The following TRPC6 variants were observed in gnomAD, a reference collection of about 807,000 sequenced individuals.
The protein encoded by TRPC6 is short transient receptor potential channel 6.
TRPC6 carries 55 observed loss-of-function variants against 90.7 expected under a neutral mutation model. The ratio of observed to expected loss-of-function variants is 0.61; its 90% CI spans 0.49 to 0.76. The LOEUF (loss-of-function observed/expected upper bound fraction) is 0.76. TRPC6 is among the 30% of genes least tolerant of loss of function. The pLI is 0.00. For synonymous variants in TRPC6, 393 were observed against 393.0 expected (o/e 1.00, Z 0.00); for missense variants, 989 against 1,122.7 (o/e 0.88, Z 1.70).
At chr11:101,561,632 C>G (rs537803136) in intron 1 of TRPC6, among the ~76,000 whole-genome samples, 7 of 151,970 alleles carry the variant, frequency 4.6e-5, no homozygotes, top group Non-Finnish European at 1.0e-4. Context: ...CTGGGACTTT[C>G]AAAAGCCTTA....
At chr11:101,524,812 A>G (rs1162972450) in intron 1 of TRPC6, among the ~76,000 whole-genome samples, 1 of 152,228 alleles carries the variant, frequency 6.6e-6, no homozygotes, top group East Asian at 1.9e-4. Context: ...AGGTGATTTT[A>G]TCTTTCACTT....
intron 10 of TRPC6, among the ~76,000 whole-genome samples, chr11:101,460,602 A>C (rs1324936195): frequency 6.6e-6 from 1 of 152,142 alleles, no homozygotes; most frequent in Non-Finnish European, 1.5e-5. Flanking sequence ...CTGTAAAACA[A>C]TTTTGTCATA....
chr11:101,497,988 G>A (rs189726583), intron 2 of TRPC6, among the ~76,000 whole-genome samples: 4 of 152,294 alleles, frequency 2.6e-5, no homozygotes, highest in African/African-American at 9.6e-5. Flanking sequence ...GAGGGAATTA[G>A]AGACATAAGT....
chr11:101,536,367 A>G (rs979547665), intron 1 of TRPC6, among the ~76,000 whole-genome samples: 1 of 152,012 alleles, frequency 6.6e-6, no homozygotes, highest in African/African-American at 2.4e-5. Context: ...AGCCTGGGCA[A>G]CAGAGCAAGA....
intron 10 of TRPC6, among the ~76,000 whole-genome samples, chr11:101,466,267 G>T (rs923023404): frequency 6.6e-6 from 1 of 152,212 alleles, no homozygotes; most frequent in Non-Finnish European, 1.5e-5. Context: ...TTTCAGAGCC[G>T]CCAGGCAGGG....
Position 101,453,637 on chromosome 11 carries a change from G to C in TRPC6, c.2644+13C>G, listed in dbSNP as rs770029645. On this transcript the variant is annotated intron_variant, in intron 12 of 12. Coordinates refer to ENST00000344327, the MANE Select transcript of TRPC6 (RefSeq NM_004621.6). ...CACATTCAGGGGCTGATTTGCTTCTGCGTTCAACTCACCTTCGTTCACTTC... is the reference window on the plus strand; with the variant it reads ...CACATTCAGGGGCTGATTTGCTTCTCCGTTCAACTCACCTTCGTTCACTTC... The C allele has an allele frequency of 3.7e-6, 6 of 1,613,592 alleles. No homozygotes were observed. Among genetic ancestry groups the C allele is most frequent in the Middle Eastern group, 1.7e-4 (1 of 6,058 alleles).
chr11:101,539,411 C>T (rs1460146869), intron 1 of TRPC6, among the ~76,000 whole-genome samples: 1 of 152,202 alleles, frequency 6.6e-6, no homozygotes, highest in East Asian at 1.9e-4. Flanking sequence ...GCGGAGCTAA[C>T]CTGTTCTCAG....
chr11:101,558,460 TACACACACACACACACAC>T lies in TRPC6; in HGVS notation c.170+24856_170+24873del, dbSNP rs71056630. Among the ~76,000 whole-genome samples the T allele has an allele frequency of 7.9e-5, 4 of 50,446 alleles. 1 individual carries two copies. In the South Asian group the frequency reaches 2.8e-3, roughly 35 times the overall value. 33.1% of individuals were successfully genotyped at this position (50,446 alleles called of 152,430 possible). ...ATACATATATATACACACGCACACA[TACACACACACACACACAC>T]ACACACACACACACACACATATACT... On this transcript the variant is annotated intron_variant, in intron 1 of 12. Transcript: ENST00000344327.
chr11:101,488,390 A>G (rs1446007173), intron 4 of TRPC6, among the ~76,000 whole-genome samples: 1 of 152,224 alleles, frequency 6.6e-6, no homozygotes, highest in African/African-American at 2.4e-5. Flanking sequence ...TTAGTCCCTA[A>G]AAAATGTATA....
At chr11:101,576,315 CTTACA>C (rs1228974310) in intron 1 of TRPC6, among the ~76,000 whole-genome samples, 8 of 152,174 alleles carry the variant, frequency 5.3e-5, no homozygotes, top group Non-Finnish European at 7.4e-5. Flanking sequence ...GAAACAGCAA[CTTACA>C]TTAAACTGTA....
intron 1 of TRPC6, among the ~76,000 whole-genome samples, chr11:101,535,387 CTTA>C (rs777257862): frequency 6.9e-4 from 66 of 95,650 alleles, no homozygotes; most frequent in Non-Finnish European, 8.3e-4. Flanking sequence ...ATTCCCTAAT[CTTA>C]TTATTATTTT....
At chr11:101,548,820 A>C (rs1267396092) in intron 1 of TRPC6, among the ~76,000 whole-genome samples, 1 of 152,012 alleles carries the variant, frequency 6.6e-6, no homozygotes, top group Non-Finnish European at 1.5e-5. Flanking sequence ...TACATATACT[A>C]TTGAGTGAAA....
At chr11:101,519,285 C>T (rs548121464) in intron 1 of TRPC6, among the ~76,000 whole-genome samples, 44 of 151,302 alleles carry the variant, frequency 2.9e-4, no homozygotes, top group Non-Finnish European at 1.9e-4. Context: ...ATGTCTGTAT[C>T]AAAACATCTC....
intron 1 of TRPC6, among the ~76,000 whole-genome samples, chr11:101,582,538 A>C (rs1591155768): frequency 6.9e-6 from 1 of 144,932 alleles, no homozygotes. Flanking sequence ...CTTACTCCCT[A>C]CCTCCCCTCC....
At chr11:101,453,184 A>T in intron 12 of TRPC6, 78 bp from the exon 13 acceptor site, 1 of 1,339,638 alleles carries the variant, frequency 7.5e-7, no homozygotes, top group Non-Finnish European at 1.1e-6. Context: ...ACAGGAGGAA[A>T]TCAGCTCTAA....
intron 2 of TRPC6, among the ~76,000 whole-genome samples, chr11:101,499,210 T>G (rs940731534): frequency 6.6e-6 from 1 of 152,126 alleles, no homozygotes; most frequent in Non-Finnish European, 1.5e-5. Flanking sequence ...CTTATATTAT[T>G]CTTAATATCT....
At chr11:101,470,023 C>T (rs1280266394) in intron 9 of TRPC6, among the ~76,000 whole-genome samples, 1 of 152,140 alleles carries the variant, frequency 6.6e-6, no homozygotes, top group Non-Finnish European at 1.5e-5. Flanking sequence ...GGAATTACAA[C>T]ATTTTCCTTT....
At chr11:101,491,449 G>C (rs1565214947) in intron 3 of TRPC6, 107 bp downstream of exon 3, 4 of 1,393,256 alleles carry the variant, frequency 2.9e-6, no homozygotes, top group East Asian at 4.8e-5. Flanking sequence ...AAAAAAAAGA[G>C]AAAAGAAAAG....
chr11:101,469,387 G>T, intron 10 of TRPC6, 40 bp downstream of exon 10: 3 of 744,148 alleles, frequency 4.0e-6, no homozygotes, highest in South Asian at 1.4e-5. Context: ...AGATAAGCCC[G>T]ATCATGTGCA....
Sources: allele counts gnomAD v4.1 joint callset (sites outside exome capture counted in the v4.1 genomes callset), GRCh38; gene constraint gnomAD v4.1.1; transcripts MANE v1.5; gene names NCBI Gene and HGNC (gene_info 2026-07-23, HGNC 2026-07-21).